DCC: variants seen among roughly 807,000 people sequenced by gnomAD.
DCC encodes DCC netrin 1 receptor.
Under a neutral mutation model 172.5 loss-of-function variants are expected in DCC, and 58 were observed. The observed-to-expected ratio is 0.34, with a 90% CI of 0.27 to 0.42. The LOEUF (loss-of-function observed/expected upper bound fraction) is 0.42, where lower values mean the gene tolerates loss of function less well. DCC is among the 10% of genes least tolerant of loss of function. DCC has a pLI of 1.00. For missense variants in DCC, 1,740 were observed against 1,791.0 expected, an observed-to-expected ratio of 0.97 and a Z score of 0.51; for synonymous variants, 709 against 644.5, an observed-to-expected ratio of 1.10 and a Z score of -1.52.
At chr18:52,599,484 T>C (rs570114048) in intron 1 of DCC, among the ~76,000 whole-genome samples, 1 of 152,186 alleles carries the variant, frequency 6.6e-6, no homozygotes, top group East Asian at 1.9e-4. Context: ...ATTTTTCACA[T>C]GTCAAGTAAT....
intron 1 of DCC, among the ~76,000 whole-genome samples, chr18:52,676,970 G>T (rs2035655980): frequency 6.6e-6 from 1 of 151,852 alleles, no homozygotes; most frequent in Non-Finnish European, 1.5e-5. Flanking sequence ...TGATATCTTT[G>T]TTTTTTTTCC....
rs114521105 is a variant in DCC, at chr18:52,848,960, A to G, written c.413-57084A>G. Among the ~76,000 whole-genome samples, 325 of 152,354 alleles carry G rather than the reference A, an allele frequency of 2.1e-3. 2 individuals are homozygous for G. The highest frequency in any genetic ancestry group is 7.4e-3 in the African/African-American group (309 of 41,590). On this transcript the variant is annotated intron_variant, in intron 2 of 28. Transcript: ENST00000442544. ...ACAGTGTGTACCTCAGATGTTGCAA[A>G]CATGAAATAAAATAATGCCCATCTA...
chr18:52,854,516 C>T (rs903465292), intron 2 of DCC, among the ~76,000 whole-genome samples: 1 of 152,122 alleles, frequency 6.6e-6, no homozygotes, highest in Admixed American at 6.5e-5. Context: ...TCCATGTTTT[C>T]CTCTTAGATA....
chr18:52,403,462 C>T (rs1568152908), intron 1 of DCC, among the ~76,000 whole-genome samples: 1 of 151,938 alleles, frequency 6.6e-6, no homozygotes, highest in Non-Finnish European at 1.5e-5. Flanking sequence ...TGATTAACAG[C>T]CCAATTGTGT....
chr18:53,415,578 A>G (rs987991521), intron 20 of DCC, among the ~76,000 whole-genome samples: 1 of 152,158 alleles, frequency 6.6e-6, no homozygotes, highest in Admixed American at 6.5e-5. Flanking sequence ...TTTTGAGACT[A>G]TTACTTGTAA....
At chr18:52,416,380 C>T (rs1227889743) in intron 1 of DCC, among the ~76,000 whole-genome samples, 2 of 151,920 alleles carry the variant, frequency 1.3e-5, no homozygotes, top group Non-Finnish European at 2.9e-5. Flanking sequence ...CTGTAGATGT[C>T]TATTAGGTCC....
chr18:52,504,843 C>A (rs1426515106), intron 1 of DCC, among the ~76,000 whole-genome samples: 1 of 152,202 alleles, frequency 6.6e-6, no homozygotes, highest in Middle Eastern at 3.4e-3. Context: ...TTAAATCCCA[C>A]GCACTGTCTA....
intron 7 of DCC, among the ~76,000 whole-genome samples, chr18:53,094,368 A>T (rs542507105): frequency 1.3e-5 from 2 of 152,330 alleles, no homozygotes; most frequent in Non-Finnish European, 2.9e-5. Flanking sequence ...TTTTTAAGGC[A>T]TTATAACTAG....
chr18:53,351,304 T>C (rs1264167036), intron 15 of DCC, among the ~76,000 whole-genome samples: 1 of 29,226 alleles, frequency 3.4e-5, no homozygotes, highest in Non-Finnish European at 1.1e-4. Context: ...TATATATATA[T>C]ATATATATAT....
At chr18:53,205,809 A>AT (rs960988709) in intron 10 of DCC, among the ~76,000 whole-genome samples, 16 of 152,078 alleles carry the variant, frequency 1.1e-4, no homozygotes, top group African/African-American at 3.4e-4. Context: ...GTGTCCTACC[A>AT]TTTTTTAATG....
At chr18:53,255,483 C>T (rs189342478) in intron 12 of DCC, among the ~76,000 whole-genome samples, 80 of 150,104 alleles carry the variant, frequency 5.3e-4, no homozygotes, top group East Asian at 2.2e-3. Context: ...TTTTGTCTTG[C>T]GATAGTTTGC....
chr18:52,419,062 T>G (rs1230298752), intron 1 of DCC: 1 of 152,166 alleles, frequency 6.6e-6, no homozygotes, highest in South Asian at 2.1e-4. Flanking sequence ...GGTTTCACCA[T>G]GTTGGCCAGG....
chr18:53,142,531 A>T (rs1261890956), intron 7 of DCC, among the ~76,000 whole-genome samples: 1 of 152,194 alleles, frequency 6.6e-6, no homozygotes, highest in Non-Finnish European at 1.5e-5. Flanking sequence ...GACAAACACT[A>T]GTGCTAACCA....
At chr18:53,512,487 A>G (rs1047091554) in intron 27 of DCC, among the ~76,000 whole-genome samples, 9 of 149,796 alleles carry the variant, frequency 6.0e-5, no homozygotes, top group African/African-American at 2.2e-4. Context: ...CTGAGAGAAG[A>G]AGGCTTCAGA....
chr18:52,837,929 T>C lies in DCC; in HGVS notation c.413-68115T>C, dbSNP rs12958774. On this transcript the variant is annotated intron_variant, in intron 2 of 28. Transcript: ENST00000442544. ...GCAGAAGGGGAAGCAAATACATCCT[T>C]CTTCACATGGTGGCAGGAAGGAAAA... 1.1e-3 allele frequency among the ~76,000 whole-genome samples: 174 copies of C among 152,264 alleles called. 1 individual carries two copies. The highest frequency in any genetic ancestry group is 4.0e-3 in the African/African-American group (165 of 41,546).
intron 1 of DCC, among the ~76,000 whole-genome samples, chr18:52,399,061 A>T (rs1986340243): frequency 6.6e-6 from 1 of 152,166 alleles, no homozygotes; most frequent in Non-Finnish European, 1.5e-5. Flanking sequence ...GGATATATTT[A>T]AATTTAAACA....
At chr18:53,369,335 G>T (rs962071731) in intron 15 of DCC, among the ~76,000 whole-genome samples, 2 of 151,830 alleles carry the variant, frequency 1.3e-5, no homozygotes, top group South Asian at 2.1e-4. Context: ...ACGTGTTTCT[G>T]TAGAATCTTT....
rs539309720 is a variant in DCC at position 53,529,690 on chromosome 18, A to G, written c.4255-874A>G. Among the ~76,000 whole-genome samples, 10 of 152,282 alleles carry G rather than the reference A, an allele frequency of 6.6e-5. No homozygotes were observed. The South Asian group carries it at 1.5e-3, about 22-fold the overall frequency. On this transcript the variant is annotated intron_variant, in intron 28 of 28. Transcript: ENST00000442544. ...TCACATCTTATTTCCCCATCTGGCT[A>G]ACTATCAAAACTACCTGGGAATTTT... is the stretch of plus-strand genomic sequence containing the variant.
rs567544652 is a variant in DCC at position 52,610,582 on chromosome 18, A to G, written c.92-141472A>G. On this transcript the variant is annotated intron_variant, in intron 1 of 28. Coordinates refer to ENST00000442544, the MANE Select transcript of DCC (RefSeq NM_005215.4). ...CCATAGAAAAATATACAGCAGAACA[A>G]TCGTTGAAATTGACATGGACCCCTC... 1.8e-3 allele frequency among the ~76,000 whole-genome samples: 278 copies of G among 151,618 alleles called. 1 individual carries two copies. Among genetic ancestry groups the G allele is most frequent in the African/African-American group, 6.6e-3 (271 of 41,308 alleles).
Sources: gnomAD v4.1 joint callset for allele counts (sites outside exome capture counted in the v4.1 genomes callset) on GRCh38, gnomAD v4.1.1 for gene constraint, MANE v1.5 for transcripts, NCBI Gene and HGNC (gene_info 2026-07-23, HGNC 2026-07-21) for gene names.